Variants in KMT2A observed in about 807,000 individuals in gnomAD.
KMT2A encodes the protein lysine methyltransferase 2A, also known as histone-lysine N-methyltransferase 2A.
Under a neutral mutation model 345.3 loss-of-function variants are expected in KMT2A, and 16 were observed. That is an observed-to-expected ratio of 0.05 (90% confidence interval 0.03 to 0.07). The LOEUF is 0.07. Among genes scored for constraint, KMT2A ranks in the 10% least tolerant of loss-of-function variants. The pLI is 1.00. For missense variants in KMT2A, 3,272 were observed against 4,841.6 expected (o/e 0.68, Z 9.62); for synonymous variants, 1,599 against 1,778.6 (o/e 0.90, Z 2.54).
rs571088938 is a variant in KMT2A, at chr11:118,521,736, G to A, written c.11644-161G>A. Among the ~76,000 whole-genome samples the A allele has an allele frequency of 1.2e-4, 18 of 152,278 alleles. No individual in the cohort carries two copies. Among genetic ancestry groups the A allele is most frequent in the African/African-American group, 3.9e-4 (16 of 41,556 alleles). ...GTGGCCTGTAATCTAGGAAATCCTC[G>A]TGGAAGCATCTTGAAAGATAGTACT... On this transcript the variant is annotated intron_variant, in intron 35 of 35. Transcript: ENST00000534358. The surrounding 1 kb of genome is among the most constrained non-coding windows in gnomAD (Gnocchi z 5.3).
chr11:118,464,909 G>A (rs1278733941), intron 1 of KMT2A, among the ~76,000 whole-genome samples: 2 of 152,206 alleles, frequency 1.3e-5, no homozygotes, highest in African/African-American at 4.8e-5. Flanking sequence ...ATTTGAAAGT[G>A]TTTTGAGAAA....
chr11:118,514,624 AT>A (rs1177793034), intron 31 of KMT2A, among the ~76,000 whole-genome samples: 4 of 148,646 alleles, frequency 2.7e-5, no homozygotes, highest in African/African-American at 5.0e-5. Flanking sequence ...TATTATTATT[AT>A]TTTTTTATTT....
Position 118,519,766 on chromosome 11 carries a change from C to T in KMT2A, c.11295C>T (p.Gly3765=), listed in dbSNP as rs200597062. Residue 3765 remains glycine (G), a synonymous_variant, in exon 32 of 36, where the codon GGC becomes GGT. Coordinates refer to ENST00000534358, the MANE Select transcript of KMT2A (RefSeq NM_001197104.2). ...EANEPPLNPH[G]SARAEVHLRK... is the part of the protein sequence containing the mutation. ...ATGAACCCCCCTTGAACCCTCACGG[C>T]TCAGCCAGGGCTGAAGTCCACCTCA... is the stretch of plus-strand genomic sequence containing the variant. The T allele has an allele frequency of 2.4e-5, 39 of 1,613,810 alleles. No homozygotes were observed. Among genetic ancestry groups the T allele is most frequent in the Admixed American group, 1.0e-4 (6 of 59,998 alleles).
At chr11:118,474,354 A>G (rs1555036944) in intron 3 of KMT2A, 39 bp downstream of exon 3, 2 of 1,586,476 alleles carry the variant, frequency 1.3e-6, no homozygotes, top group South Asian at 1.1e-5. Flanking sequence ...CTAACAGTTT[A>G]TTGAGCCCTT....
In KMT2A at chr11:118,491,917, C is replaced by T. The variant is rs782721568; in HGVS notation, c.4993C>T (p.Arg1665Cys). 3.7e-6 allele frequency: 6 copies of T among 1,612,656 alleles called. No homozygotes were observed. Among genetic ancestry groups the T allele is most frequent in the Non-Finnish European group, 4.2e-6 (5 of 1,179,332 alleles). Residue 1665 changes from arginine to cysteine, a missense_variant, in exon 15 of 36, where the codon CGC (arginine) becomes TGC (cysteine). This residue lies in a region of KMT2A where 66 missense variants were observed against 80.1 expected (regional missense o/e 0.82). Transcript: ENST00000534358. This position sits in a 1 kb window ranked among gnomAD's most constrained non-coding sequence, Gnocchi z 4.2. ...TTCTCGGACTACCAGCCATTTGCTA[C>T]GCTACCGGCAGGTAGGCCAAGTCTC... is the stretch of plus-strand genomic sequence containing the variant. Reference protein sequence around the residue: ...LNSRTTSHLLRYRQAAKPPDL... With the variant: ...LNSRTTSHLLCYRQAAKPPDL...
chr11:118,467,797 C>T (rs1949873094), intron 1 of KMT2A, among the ~76,000 whole-genome samples: 1 of 152,122 alleles, frequency 6.6e-6, no homozygotes, highest in Non-Finnish European at 1.5e-5. Context: ...TGGGACTTAC[C>T]ACTATAAATT....
chr11:118,515,907 C>T (rs781869397), intron 31 of KMT2A, among the ~76,000 whole-genome samples: 10 of 151,986 alleles, frequency 6.6e-5, no homozygotes, highest in African/African-American at 2.4e-4. Context: ...AGGATGGTCT[C>T]GAACTTCTGA....
chr11:118,471,596 A>C, intron 2 of KMT2A, 66 bp from the exon 3 acceptor site: 2 of 1,129,796 alleles, frequency 1.8e-6, no homozygotes, highest in Non-Finnish European at 2.5e-6. Context: ...AGTTATATTC[A>C]GCTTAGTTAA....
chr11:118,459,394 GGAAACAGAA>G (rs1949704761), intron 1 of KMT2A, among the ~76,000 whole-genome samples: 2 of 151,974 alleles, frequency 1.3e-5, no homozygotes, highest in Admixed American at 1.3e-4. Flanking sequence ...TAAAAATTTT[GGAAACAGAA>G]GAATGCTAAG....
chr11:118,504,036 C>T lies in KMT2A; in HGVS notation c.8144C>T (p.Pro2715Leu), dbSNP rs1434333585. The change falls in exon 27 of 36, where the codon CCA (proline) becomes CTA (leucine). Residue 2715 changes from proline (P) to leucine (L), a missense_variant. Around this residue, in one of 27 missense-constraint regions of KMT2A, gnomAD observed 47 missense variants for 53.6 expected, o/e 0.88. Transcript: ENST00000534358. The surrounding 1 kb of genome is among the most constrained non-coding windows in gnomAD (Gnocchi z 6.4). ...CGGGAGGAGGAACAGTGTGATCTTC[C>T]AAAAATCTCACAGTTGGATGGTGTT... ...LFREEEQCDLPKISQLDGVDD... is the reference protein window; with the variant it reads ...LFREEEQCDLLKISQLDGVDD... 1 of 1,613,938 alleles carries T rather than the reference C, an allele frequency of 6.2e-7. No homozygotes were observed. The highest frequency in any genetic ancestry group is 2.2e-5 in the East Asian group (1 of 44,892).
chr11:118,507,302 G>A (rs1236085851), intron 27 of KMT2A, among the ~76,000 whole-genome samples: 11 of 152,010 alleles, frequency 7.2e-5, no homozygotes, highest in Non-Finnish European at 1.3e-4. Flanking sequence ...GCCACCACTC[G>A]GATCAAGATA....
intron 1 of KMT2A, among the ~76,000 whole-genome samples, chr11:118,459,031 A>G (rs1353734556): frequency 6.6e-6 from 1 of 152,138 alleles, no homozygotes; most frequent in Admixed American, 6.5e-5. Context: ...TGATTCATTG[A>G]AATTTGTTTT....
Position 118,505,373 on chromosome 11 carries a change from C to A in KMT2A, c.9481C>A (p.His3161Asn). ...SASKGLLPMS[H>N]HQHLHSFPAA... ...TAGCAAAGGATTGCTACCCATGTCT[C>A]ATCACCAGCACTTACATTCCTTCCC... Residue 3161 changes from histidine to asparagine, a missense_variant, in exon 27 of 36, where the codon CAT becomes AAT. His to Asn is a moderately conservative substitution (Grantham distance 68). This residue lies in a region of KMT2A where 748 missense variants were observed against 922.2 expected (regional missense o/e 0.81). Transcript: ENST00000534358. This position sits in a 1 kb window ranked among gnomAD's most constrained non-coding sequence, Gnocchi z 4.6. 1 of 1,614,184 alleles carries A rather than the reference C, an allele frequency of 6.2e-7. No homozygotes were observed. The highest frequency in any genetic ancestry group is 8.5e-7 in the Non-Finnish European group (1 of 1,180,010).
At chr11:118,511,130 A>G (rs782209629) in intron 30 of KMT2A, among the ~76,000 whole-genome samples, 7 of 152,214 alleles carry the variant, frequency 4.6e-5, no homozygotes, top group Non-Finnish European at 8.8e-5. Context: ...CAGGAAACAT[A>G]ATGTGATAAG....
At chr11:118,500,747 TGCTTATGGTAC>T (rs1555045374) in intron 24 of KMT2A, 1 of 350,930 alleles carries the variant, frequency 2.8e-6, no homozygotes, top group African/African-American at 2.0e-5. Flanking sequence ...ATTTGGTGCC[TGCTTATGGTAC>T]AAGAAAAAAA....
At chr11:118,492,665 C>T (rs181248473) in intron 15 of KMT2A, among the ~76,000 whole-genome samples, 3 of 152,240 alleles carry the variant, frequency 2.0e-5, no homozygotes, top group Admixed American at 6.5e-5. Context: ...GGTGACAGAG[C>T]GAGAGTCCAT....
chr11:118,507,688 G>A, intron 28 of KMT2A, 79 bp downstream of exon 28: 4 of 1,181,604 alleles, frequency 3.4e-6, no homozygotes, highest in Non-Finnish European at 5.0e-6. Context: ...TTCCAGGCCG[G>A]GCGCAGTGGC....
chr11:118,507,465 C>T (rs1950604344), intron 27 of KMT2A, 64 bp from the exon 28 acceptor site: 8 of 1,415,566 alleles, frequency 5.7e-6, no homozygotes, highest in African/African-American at 1.4e-5. Flanking sequence ...TTCGACTCAC[C>T]TCCACATTCA....
At chr11:118,456,007 C>A (rs1372964652) in intron 1 of KMT2A, among the ~76,000 whole-genome samples, 1 of 151,796 alleles carries the variant, frequency 6.6e-6, no homozygotes, top group Non-Finnish European at 1.5e-5. Context: ...ATTTTTAATA[C>A]ATTTTTAATT....
Sources: gnomAD v4.1 joint callset for allele counts (sites outside exome capture counted in the v4.1 genomes callset) on GRCh38, gnomAD v4.1.1 for gene constraint, gnomAD v4.1.1 regional missense constraint, Gnocchi (gnomAD v3.1) non-coding constraint, MANE v1.5 for transcripts, NCBI Gene and HGNC (gene_info 2026-07-23, HGNC 2026-07-21) for gene names.